ADCY10: variants seen among roughly 807,000 people sequenced by gnomAD.
The protein encoded by ADCY10 is adenylate cyclase type 10.
A neutral mutation model predicts 183.3 loss-of-function variants in ADCY10; 156 were observed. The observed-to-expected ratio is 0.85, with a 90% CI of 0.75 to 0.97. The LOEUF is 0.97. Among genes scored for constraint, ADCY10 ranks in the 50% least tolerant of loss-of-function variants. The pLI is 0.00. For synonymous variants in ADCY10, 645 were observed against 670.0 expected, an observed-to-expected ratio of 0.96 and a Z score of 0.58; for missense variants, 1,745 against 1,934.3, an observed-to-expected ratio of 0.90 and a Z score of 1.84.
chr1:167,857,745 A>T lies in ADCY10; in HGVS notation c.1897-1306T>A, dbSNP rs541377972. On this transcript the variant is annotated intron_variant, in intron 16 of 32. Transcript: ENST00000367851. ...GTGGTACTATTGAATCTATTTGCTG[A>T]GAAAATTTGGGCACAGAGAAGTTAA... 9.2e-5 allele frequency among the ~76,000 whole-genome samples: 14 copies of T among 152,330 alleles called. No homozygotes were observed. The South Asian group carries it at 2.9e-3, about 32-fold the overall frequency.
At chr1:167,848,535 T>C (rs757492688) in intron 18 of ADCY10, 46 bp from the exon 19 acceptor site, 1 of 1,609,828 alleles carries the variant, frequency 6.2e-7, no homozygotes, top group Non-Finnish European at 8.5e-7. Context: ...TTATCCTGTC[T>C]TATAAGGTCT....
chr1:167,900,096 A>G (rs11590245), intron 5 of ADCY10, among the ~76,000 whole-genome samples: 16,321 of 152,240 alleles, frequency 0.11, 997 homozygotes, highest in African/African-American at 0.17. Context: ...CCCAACAACC[A>G]TTTCTCTCAT....
intron 1 of ADCY10, among the ~76,000 whole-genome samples, chr1:167,907,870 G>T (rs1557839573): frequency 6.6e-6 from 1 of 152,182 alleles, no homozygotes; most frequent in Non-Finnish European, 1.5e-5. Context: ...AATATAATTG[G>T]CTGGTTAGCA....
At chr1:167,820,199 G>T (rs1488122430) in intron 30 of ADCY10, 11 of 1,542,680 alleles carry the variant, frequency 7.1e-6, no homozygotes, top group Non-Finnish European at 8.7e-6. Context: ...AGCTCCCGAG[G>T]CTGCGACGGC....
intron 5 of ADCY10, 93 bp from the exon 6 acceptor site, chr1:167,899,721 C>T: frequency 3.3e-6 from 4 of 1,201,138 alleles, no homozygotes; most frequent in Non-Finnish European, 4.8e-6. Flanking sequence ...CTTGGTGGGA[C>T]TATACTATCT....
At chr1:167,907,754 T>A (rs898543037) in intron 1 of ADCY10, among the ~76,000 whole-genome samples, 3 of 152,248 alleles carry the variant, frequency 2.0e-5, no homozygotes, top group Non-Finnish European at 4.4e-5. Flanking sequence ...ATTAAACTTT[T>A]AAATCAAGAG....
chr1:167,840,244 T>G (rs947211320), intron 21 of ADCY10, among the ~76,000 whole-genome samples: 1 of 148,466 alleles, frequency 6.7e-6, no homozygotes, highest in Non-Finnish European at 1.5e-5. Context: ...AAAAAAAAAA[T>G]GGTAATGGTG....
intron 25 of ADCY10, among the ~76,000 whole-genome samples, chr1:167,830,868 A>G (rs10918778): frequency 0.11 from 16,115 of 152,172 alleles, 1,071 homozygotes; most frequent in East Asian, 0.31. Flanking sequence ...TCCTTTGGAA[A>G]GGCGAATCAG....
At chr1:167,903,739 A>C (rs1669607020) in intron 3 of ADCY10, 148 bp downstream of exon 3, 2 of 662,196 alleles carry the variant, frequency 3.0e-6, no homozygotes, top group Non-Finnish European at 5.5e-6. Context: ...ATACTATATC[A>C]TATTTCAAAA....
intron 18 of ADCY10, among the ~76,000 whole-genome samples, chr1:167,851,562 C>T (rs1665488748): frequency 6.6e-6 from 1 of 152,130 alleles, no homozygotes; most frequent in East Asian, 1.9e-4. Flanking sequence ...GTGGCTCACG[C>T]CTGTAATCCC....
At chr1:167,817,335 A>C (rs761498394) in intron 31 of ADCY10, among the ~76,000 whole-genome samples, 1 of 152,232 alleles carries the variant, frequency 6.6e-6, no homozygotes, top group Non-Finnish European at 1.5e-5. Context: ...ACTGCACTCC[A>C]GCCTGGGTGA....
chr1:167,810,124 G>A (rs1662111805), intron 32 of ADCY10, among the ~76,000 whole-genome samples: 1 of 152,186 alleles, frequency 6.6e-6, no homozygotes, highest in South Asian at 2.1e-4. Context: ...TCAAGGAGAG[G>A]AAAGACACGC....
intron 18 of ADCY10, among the ~76,000 whole-genome samples, chr1:167,851,388 T>C (rs1665475850): frequency 6.6e-6 from 1 of 152,114 alleles, no homozygotes; most frequent in Admixed American, 6.5e-5. Flanking sequence ...GGTTTTGTCA[T>C]GTTGCCCAGG....
intron 8 of ADCY10, among the ~76,000 whole-genome samples, chr1:167,885,041 G>T (rs1668130959): frequency 6.6e-6 from 1 of 152,136 alleles, no homozygotes; most frequent in Non-Finnish European, 1.5e-5. Flanking sequence ...AGAACATGTG[G>T]TTTCTCTTTC....
At chr1:167,815,976 A>T (rs1481862770) in intron 31 of ADCY10, among the ~76,000 whole-genome samples, 1 of 151,940 alleles carries the variant, frequency 6.6e-6, no homozygotes, top group Non-Finnish European at 1.5e-5. Flanking sequence ...ACAAGCTAAG[A>T]GAGCAAAGAC....
intron 31 of ADCY10, among the ~76,000 whole-genome samples, chr1:167,813,511 AAAAG>A (rs1447230380): frequency 4.6e-5 from 7 of 152,182 alleles, no homozygotes; most frequent in African/African-American, 1.7e-4. Flanking sequence ...CGCCTTAAAA[AAAAG>A]AAAGAAAAGA....
At chr1:167,840,928 G>A (rs954246303) in intron 21 of ADCY10, among the ~76,000 whole-genome samples, 1 of 145,306 alleles carries the variant, frequency 6.9e-6, no homozygotes, top group Non-Finnish European at 1.5e-5. Context: ...CTAACTAAAT[G>A]AGAATAAAAT....
At chr1:167,863,661 C>T (rs1278101404) in intron 14 of ADCY10, among the ~76,000 whole-genome samples, 1 of 152,214 alleles carries the variant, frequency 6.6e-6, no homozygotes, top group Non-Finnish European at 1.5e-5. Flanking sequence ...GTGGAACATC[C>T]CTGCTGGGGA....
intron 21 of ADCY10, among the ~76,000 whole-genome samples, chr1:167,842,192 G>A (rs2101948738): frequency 6.6e-6 from 1 of 152,284 alleles, no homozygotes; most frequent in Admixed American, 6.5e-5. Flanking sequence ...TTTGGGGAGA[G>A]CAGTGGCCAT....
Sources: allele counts gnomAD v4.1 joint callset (sites outside exome capture counted in the v4.1 genomes callset), GRCh38; gene constraint gnomAD v4.1.1; transcripts MANE v1.5; gene names NCBI Gene and HGNC (gene_info 2026-07-23, HGNC 2026-07-21).